Variants in DAAM1 observed in about 807,000 individuals in gnomAD.
DAAM1 encodes disheveled-associated activator of morphogenesis 1.
DAAM1 carries 52 observed loss-of-function variants against 130.0 expected under a neutral mutation model. That is an observed-to-expected ratio of 0.40 (90% CI 0.32 to 0.50). The LOEUF (loss-of-function observed/expected upper bound fraction) is 0.50. Among genes scored for constraint, DAAM1 ranks in the 20% least tolerant of loss-of-function variants. The pLI, the probability that DAAM1 is intolerant of heterozygous loss-of-function variation, is 0.61. For synonymous variants in DAAM1, 452 were observed against 444.5 expected, an observed-to-expected ratio of 1.02 and a Z score of -0.21; for missense variants, 1,134 against 1,303.8, an observed-to-expected ratio of 0.87 and a Z score of 2.01.
intron 1 of DAAM1, among the ~76,000 whole-genome samples, chr14:59,215,781 T>G (rs1888559110): frequency 1.3e-5 from 2 of 152,120 alleles, no homozygotes; most frequent in African/African-American, 4.8e-5. Flanking sequence ...AGGAATGTCA[T>G]TTTTGTTACA....
chr14:59,293,437 T>C (rs1883830828), intron 3 of DAAM1, among the ~76,000 whole-genome samples: 1 of 152,192 alleles, frequency 6.6e-6, no homozygotes, highest in South Asian at 2.1e-4. Context: ...ATGGGGGGTT[T>C]GCTTCTTGTA....
rs558243832 is a variant in DAAM1 at position 59,313,418 on chromosome 14, G to A, written c.274-1862G>A. ...TGTGATGACAATATCTACGTGTGCT[G>A]TTAATCTATTCGCATTATTAAAACA... On this transcript the variant is annotated intron_variant, in intron 3 of 24. Coordinates refer to ENST00000360909, the MANE Select transcript of DAAM1 (RefSeq NM_001270520.2). Among the ~76,000 whole-genome samples, 28 of 152,368 alleles carry A rather than the reference G, an allele frequency of 1.8e-4. No individual in the cohort carries two copies. In the South Asian group the frequency reaches 5.6e-3, roughly 30 times the overall value.
At chr14:59,313,264 A>T (rs996316481) in intron 3 of DAAM1, among the ~76,000 whole-genome samples, 1 of 152,232 alleles carries the variant, frequency 6.6e-6, no homozygotes, top group African/African-American at 2.4e-5. Context: ...AACTGGAGAT[A>T]CATTGCCCAA....
At chr14:59,326,239 G>T in intron 10 of DAAM1, 162 bp downstream of exon 10, 2 of 698,894 alleles carry the variant, frequency 2.9e-6, no homozygotes. Context: ...CTTAAAGGGT[G>T]TTACAAAATT....
chr14:59,189,626 T>C lies in DAAM1; in HGVS notation c.-38+858T>C, dbSNP rs10136384. 2.9e-3 allele frequency among the ~76,000 whole-genome samples: 439 copies of C among 152,126 alleles called. 4 individuals carry two copies. Among genetic ancestry groups the C allele is most frequent in the African/African-American group, 0.01 (418 of 41,504 alleles). On this transcript the variant is annotated intron_variant, in intron 1 of 24. Transcript: ENST00000360909. The stretch of plus-strand genomic sequence containing the variant: ...GTGGAGGTGTCGGATAATCTAATGA[T>C]TAGGCTCGCTGTGGGGCAGGAGGGC...
At chr14:59,316,307 G>A (rs56107515) in intron 4 of DAAM1, among the ~76,000 whole-genome samples, 17,577 of 151,966 alleles carry the variant, frequency 0.12, 1,158 homozygotes, top group Admixed American at 0.21. Context: ...CATTTTAAAT[G>A]GTCTCATAAC....
At chr14:59,269,878 C>T (rs534738114) in intron 2 of DAAM1, among the ~76,000 whole-genome samples, 6 of 151,776 alleles carry the variant, frequency 4.0e-5, no homozygotes, top group East Asian at 1.9e-4. Flanking sequence ...GTTTAGATGA[C>T]GCATAAAAAA....
chr14:59,198,802 T>C (rs1213480533), intron 1 of DAAM1, among the ~76,000 whole-genome samples: 3 of 152,170 alleles, frequency 2.0e-5, no homozygotes, highest in Non-Finnish European at 2.9e-5. Flanking sequence ...TGCTTTGCAA[T>C]TGCACAGAGA....
At chr14:59,354,701 G>A (rs1263249187) in intron 19 of DAAM1, among the ~76,000 whole-genome samples, 1 of 152,206 alleles carries the variant, frequency 6.6e-6, no homozygotes, top group Non-Finnish European at 1.5e-5. Context: ...ACGCAGGCTG[G>A]AATCAGGCAT....
At chr14:59,312,029 G>A (rs958310821) in intron 3 of DAAM1, among the ~76,000 whole-genome samples, 1 of 152,034 alleles carries the variant, frequency 6.6e-6, no homozygotes, top group African/African-American at 2.4e-5. Flanking sequence ...CCTTTGTATT[G>A]TTTGTTAATT....
intron 15 of DAAM1, among the ~76,000 whole-genome samples, chr14:59,332,536 G>C (rs570285164): frequency 1.3e-5 from 2 of 152,318 alleles, no homozygotes; most frequent in South Asian, 4.1e-4. Flanking sequence ...TTTTGTAATA[G>C]TAGCAAAAAC....
At chr14:59,257,252 G>C (rs1376982242) in intron 1 of DAAM1, among the ~76,000 whole-genome samples, 1 of 151,970 alleles carries the variant, frequency 6.6e-6, no homozygotes, top group Non-Finnish European at 1.5e-5. Context: ...GAGACCATCT[G>C]TTCACTTAGG....
intron 16 of DAAM1, 81 bp downstream of exon 16, chr14:59,340,261 G>T: frequency 7.4e-7 from 1 of 1,356,696 alleles, no homozygotes; most frequent in Admixed American, 1.8e-5. Flanking sequence ...TAGTGATTTT[G>T]TTTTAATTGT....
At chr14:59,204,675 T>C (rs2139399996) in intron 1 of DAAM1, among the ~76,000 whole-genome samples, 1 of 152,310 alleles carries the variant, frequency 6.6e-6, no homozygotes, top group South Asian at 2.1e-4. Flanking sequence ...TCATATCAGG[T>C]AACGTACATT....
chr14:59,277,602 A>G (rs1883027508), intron 2 of DAAM1, among the ~76,000 whole-genome samples: 1 of 152,040 alleles, frequency 6.6e-6, no homozygotes, highest in Non-Finnish European at 1.5e-5. Context: ...TTGAGAAACT[A>G]AAACTTTCTC....
chr14:59,247,619 T>A (rs548351487), intron 1 of DAAM1, among the ~76,000 whole-genome samples: 28 of 152,152 alleles, frequency 1.8e-4, no homozygotes, highest in African/African-American at 5.3e-4. Flanking sequence ...ATTTAATTTT[T>A]AAAAAGACTA....
intron 2 of DAAM1, among the ~76,000 whole-genome samples, chr14:59,278,055 TAATAA>T (rs543943216): frequency 1.3e-4 from 20 of 152,286 alleles, no homozygotes; most frequent in South Asian, 8.3e-4. Flanking sequence ...CAATAACTAA[TAATAA>T]AATAGAACAG....
rs763484523 is a variant in DAAM1 at position 59,363,670 on chromosome 14, C to G, written c.2714C>G (p.Ser905Cys). ...TTTAAGGAGCTGGAATATCAGAAGT[C>G]TCAGCCCCCACAGCCCGGAGATAAG... ...AVETELEYQK[S>C]QPPQPGDKFV... Residue 905 changes from serine (S) to cysteine (C), a missense_variant, in exon 23 of 25, where the codon TCT becomes TGT. Ser to Cys is a moderately radical substitution (Grantham distance 112, BLOSUM62 -1). Coordinates refer to ENST00000360909, the MANE Select transcript of DAAM1 (RefSeq NM_001270520.2). The G allele has an allele frequency of 6.2e-7, 1 of 1,614,068 alleles. No individual in the cohort carries two copies. The highest frequency in any genetic ancestry group is 1.1e-5 in the South Asian group (1 of 91,070).
chr14:59,357,107 T>C (rs1886511715), intron 20 of DAAM1, among the ~76,000 whole-genome samples: 1 of 152,220 alleles, frequency 6.6e-6, no homozygotes. Context: ...TGTTCCTTCT[T>C]TTAAGAATTT....
Sources: allele counts gnomAD v4.1 joint callset (sites outside exome capture counted in the v4.1 genomes callset), GRCh38; gene constraint gnomAD v4.1.1; transcripts MANE v1.5; gene names NCBI Gene and HGNC (gene_info 2026-07-23, HGNC 2026-07-21).